RAB38: variants seen among roughly 807,000 people sequenced by gnomAD.
The protein encoded by RAB38 is ras-related protein Rab-38.
In RAB38, 15 loss-of-function variants were observed where a neutral mutation model predicts 18.4. The ratio of observed to expected loss-of-function variants is 0.82; its 90% confidence interval spans 0.55 to 1.26. The LOEUF (loss-of-function observed/expected upper bound fraction) is 1.26. RAB38 is among the 50% of genes most tolerant of loss of function. The pLI, the probability that RAB38 is intolerant of heterozygous loss-of-function variation, is 0.00. For missense variants in RAB38, 294 were observed against 267.4 expected, an observed-to-expected ratio of 1.10 and a Z score of -0.69; for synonymous variants, 101 against 104.4, an observed-to-expected ratio of 0.97 and a Z score of 0.20.
chr11:88,155,705 A>T (rs1191247632), intron 1 of RAB38, among the ~76,000 whole-genome samples: 1 of 152,214 alleles, frequency 6.6e-6, no homozygotes. Flanking sequence ...AGAAACTCAG[A>T]AGTGACAGAT....
the RAB38 span, among the ~76,000 whole-genome samples, chr11:87,921,799 T>C: frequency 6.6e-6 from 1 of 151,818 alleles, no homozygotes; most frequent in African/African-American, 2.4e-5. Context: ...GCCTTTTTTT[T>C]TCTCAGATAG....
At chr11:87,977,402 T>C in the RAB38 span, among the ~76,000 whole-genome samples, 5 of 49,684 alleles carry the variant, frequency 1.0e-4, no homozygotes, top group African/African-American at 3.1e-4. Context: ...TATATATAAT[T>C]ATATTATAAA....
At chr11:87,893,349 A>G in the RAB38 span, among the ~76,000 whole-genome samples, 1 of 82,294 alleles carries the variant, frequency 1.2e-5, no homozygotes, top group Non-Finnish European at 2.3e-5. Context: ...ACACACACAC[A>G]TATATATACC....
the RAB38 span, among the ~76,000 whole-genome samples, chr11:87,977,350 T>C: frequency 8.8e-6 from 1 of 113,520 alleles, no homozygotes; most frequent in Non-Finnish European, 1.7e-5. Context: ...AAATTATATA[T>C]TATATAAGTA....
chr11:88,161,507 C>T (rs61909956), intron 1 of RAB38, among the ~76,000 whole-genome samples: 2,385 of 152,140 alleles, frequency 0.016, 28 homozygotes, highest in Non-Finnish European at 0.023. Flanking sequence ...AACCATGGCA[C>T]TGAAAATCCT....
chr11:87,977,589 A>C, the RAB38 span, among the ~76,000 whole-genome samples: 3 of 117,800 alleles, frequency 2.5e-5, no homozygotes, highest in African/African-American at 1.0e-4. Flanking sequence ...TAATTTTATA[A>C]TAATTATGTA....
chr11:88,088,871 A>T, the RAB38 span, among the ~76,000 whole-genome samples: 1 of 152,064 alleles, frequency 6.6e-6, no homozygotes, highest in East Asian at 2.0e-4. Flanking sequence ...TATGTCTCTC[A>T]TAGACGTCTA....
At chr11:87,844,525 A>T in the RAB38 span, among the ~76,000 whole-genome samples, 1 of 152,202 alleles carries the variant, frequency 6.6e-6, no homozygotes. Flanking sequence ...TAGGAGGTCT[A>T]AAACTTGCTT....
At chr11:88,109,383 G>A (rs1942443222), downstream of RAB38, among the ~76,000 whole-genome samples, 1 of 152,074 alleles carries the variant, frequency 6.6e-6, no homozygotes, top group Admixed American at 6.6e-5. Flanking sequence ...AGATGGATTA[G>A]TGACTTAAAT....
At chr11:87,804,326 G>A in the RAB38 span, among the ~76,000 whole-genome samples, 10 of 152,056 alleles carry the variant, frequency 6.6e-5, no homozygotes, top group African/African-American at 2.4e-4. Context: ...CAAGGTATCT[G>A]GCCCATCATT....
the RAB38 span, among the ~76,000 whole-genome samples, chr11:87,977,850 G>T: frequency 1 from 96,876 of 96,970 alleles, 48,391 homozygotes; most frequent in Middle Eastern, 1. Context: ...TATATTAATG[G>T]ATAGTAATAT....
intron 2 of RAB38, among the ~76,000 whole-genome samples, chr11:88,136,579 T>C (rs145299475): frequency 5.8e-4 from 89 of 152,314 alleles, no homozygotes; most frequent in African/African-American, 1.9e-3. Flanking sequence ...CTTTGTCTAC[T>C]GGCTTTTTTA....
At chr11:88,134,445 T>C (rs1942807754) in intron 2 of RAB38, among the ~76,000 whole-genome samples, 1 of 152,162 alleles carries the variant, frequency 6.6e-6, no homozygotes. Flanking sequence ...TTTCTCCATG[T>C]TGGCCAGGCT....
the RAB38 span, among the ~76,000 whole-genome samples, chr11:87,821,266 G>C: frequency 6.6e-6 from 1 of 152,182 alleles, no homozygotes; most frequent in Non-Finnish European, 1.5e-5. Flanking sequence ...AATACAAGAA[G>C]AGTTGATTTT....
At chr11:88,081,324 C>A in the RAB38 span, among the ~76,000 whole-genome samples, 1 of 151,910 alleles carries the variant, frequency 6.6e-6, no homozygotes, top group Non-Finnish European at 1.5e-5. Flanking sequence ...TATGTCCACA[C>A]AAAGACCTGT....
chr11:87,973,628 A>G, the RAB38 span, among the ~76,000 whole-genome samples: 1 of 143,172 alleles, frequency 7.0e-6, no homozygotes, highest in Non-Finnish European at 1.6e-5. Context: ...AGACAGGACA[A>G]AGCTGCAGTG....
At chr11:88,114,216 C>T in intron 2 of RAB38, 76 bp from the exon 3 acceptor site, 1 of 1,481,334 alleles carries the variant, frequency 6.8e-7, no homozygotes, top group South Asian at 1.2e-5. Context: ...TTATATGTGA[C>T]AATTCATTTA....
chr11:87,858,200 C>T, the RAB38 span, among the ~76,000 whole-genome samples: 32,962 of 151,926 alleles, frequency 0.22, 4,193 homozygotes, highest in African/African-American at 0.34. Flanking sequence ...TTCTGAGGGT[C>T]CTGTTCTGTT....
chr11:88,023,772 G>A, the RAB38 span, among the ~76,000 whole-genome samples: 8 of 152,096 alleles, frequency 5.3e-5, no homozygotes, highest in East Asian at 9.6e-4. Context: ...TTTGACAAAG[G>A]TGCCAAGAAC....
Sources: gnomAD v4.1 joint callset for allele counts (sites outside exome capture counted in the v4.1 genomes callset) on GRCh38, gnomAD v4.1.1 for gene constraint, MANE v1.5 for transcripts, NCBI Gene and HGNC (gene_info 2026-07-23, HGNC 2026-07-21) for gene names.